The following PCDHGB3 variants were observed in gnomAD, a reference collection of about 807,000 sequenced individuals.
PCDHGB3 encodes the protein protocadherin gamma subfamily B, 3, also known as protocadherin gamma-B3.
A neutral mutation model predicts 59.2 loss-of-function variants in PCDHGB3; 40 were observed. The ratio of observed to expected loss-of-function variants is 0.68; its 90% CI spans 0.52 to 0.88. The LOEUF is 0.88. PCDHGB3 is among the 40% of genes least tolerant of loss of function. PCDHGB3 has a pLI of 0.00. For missense variants in PCDHGB3, 1,309 were observed against 1,187.9 expected (o/e 1.10, Z -1.50); for synonymous variants, 581 against 503.6 (o/e 1.15, Z -2.06).
intron 2 of PCDHGB3, among the ~76,000 whole-genome samples, chr5:141,500,281 T>A (rs1254933339): frequency 2.0e-5 from 3 of 151,934 alleles, no homozygotes; most frequent in Non-Finnish European, 4.4e-5. Context: ...CAATCTCGGC[T>A]CACTGCAAGC....
rs187873649 is a variant in PCDHGB3, at chr5:141,469,715, G to A, written c.2416-25092G>A. ...TATGACCTAGTAATCACACTATTAG[G>A]AATTTATCATAAATACACACCTCAA... On this transcript the variant is annotated intron_variant, in intron 1 of 3. Coordinates refer to ENST00000576222, the MANE Select transcript of PCDHGB3 (RefSeq NM_018924.5). Among the ~76,000 whole-genome samples, 552 of 152,160 alleles carry A rather than the reference G, an allele frequency of 3.6e-3. 1 individual carries two copies. Among genetic ancestry groups the A allele is most frequent in the Non-Finnish European group, 5.8e-3 (397 of 68,008 alleles).
intron 1 of PCDHGB3, chr5:141,410,156 C>T: frequency 6.2e-7 from 1 of 1,613,514 alleles, no homozygotes; most frequent in Non-Finnish European, 8.5e-7. Context: ...CGGTGGACAG[C>T]CGCCACTCTC....
intron 1 of PCDHGB3, among the ~76,000 whole-genome samples, chr5:141,494,498 C>G (rs2099754760): frequency 6.6e-6 from 1 of 152,138 alleles, no homozygotes; most frequent in African/African-American, 2.4e-5. Flanking sequence ...GCCTTCAGTC[C>G]TTGAATTTTG....
At chr5:141,419,972 C>T (rs534128024) in intron 1 of PCDHGB3, 3 of 1,613,948 alleles carry the variant, frequency 1.9e-6, no homozygotes, top group South Asian at 1.1e-5. Flanking sequence ...GCTCTTTCTC[C>T]TCGCGGTGAT....
chr5:141,373,266 C>T (rs894393733), intron 1 of PCDHGB3, among the ~76,000 whole-genome samples: 1 of 152,300 alleles, frequency 6.6e-6, no homozygotes, highest in Non-Finnish European at 1.5e-5. Context: ...TAAAAGTATA[C>T]ACAGATGTTG....
intron 1 of PCDHGB3, among the ~76,000 whole-genome samples, chr5:141,448,571 C>G (rs1207283773): frequency 6.6e-6 from 1 of 152,128 alleles, no homozygotes; most frequent in Non-Finnish European, 1.5e-5. Flanking sequence ...TTTTATTTCC[C>G]CATTTTTTTT....
At chr5:141,418,460 G>A in intron 1 of PCDHGB3, 1 of 1,613,992 alleles carries the variant, frequency 6.2e-7, no homozygotes, top group Non-Finnish European at 8.5e-7. Context: ...GAAGACTCTG[G>A]ACCGAGAAAC....
At chr5:141,389,367 G>A (rs1402654392) in intron 1 of PCDHGB3, 4 of 1,613,806 alleles carry the variant, frequency 2.5e-6, no homozygotes, top group South Asian at 1.1e-5. Context: ...CAGTGACCTG[G>A]AGCAGCGGGA....
intron 1 of PCDHGB3, chr5:141,418,849 G>T (rs1479117344): frequency 1.5e-5 from 25 of 1,613,886 alleles, no homozygotes; most frequent in Non-Finnish European, 1.8e-5. Context: ...TCTCAACACG[G>T]TGTAAAGTAA....
At chr5:141,456,860 G>A (rs1345260160) in intron 1 of PCDHGB3, among the ~76,000 whole-genome samples, 1 of 152,170 alleles carries the variant, frequency 6.6e-6, no homozygotes, top group African/African-American at 2.4e-5. Flanking sequence ...CTAATTGGGA[G>A]GCTGAGGCAG....
intron 1 of PCDHGB3, chr5:141,410,134 C>G (rs573769764): frequency 6.2e-7 from 1 of 1,612,766 alleles, no homozygotes; most frequent in Admixed American, 1.7e-5. Context: ...GCCTGCTGGT[C>G]GCTGTGCGTG....
chr5:141,489,477 G>C lies in PCDHGB3; in HGVS notation c.2416-5330G>C, dbSNP rs2154581232. 1.9e-6 allele frequency: 3 copies of C among 1,614,108 alleles called. No homozygotes were observed. Among genetic ancestry groups the C allele is most frequent in the Non-Finnish European group, 2.5e-6 (3 of 1,180,034 alleles). ...ATGGGCGCTATTTTTCCCTGAGCTT[G>C]ATGAGTGGTGCCCTGGCAGTGAATC... is the stretch of plus-strand genomic sequence containing the variant. On this transcript the variant is annotated intron_variant, in intron 1 of 3. Coordinates refer to ENST00000576222, the MANE Select transcript of PCDHGB3 (RefSeq NM_018924.5). This position sits in a 1 kb window ranked among gnomAD's most constrained non-coding sequence, Gnocchi z 4.5.
intron 1 of PCDHGB3, among the ~76,000 whole-genome samples, chr5:141,401,424 T>G (rs1408860840): frequency 6.6e-6 from 1 of 152,170 alleles, no homozygotes; most frequent in Non-Finnish European, 1.5e-5. Flanking sequence ...AGAGACTGAT[T>G]CACTGAACTT....
rs760209074 is a variant in PCDHGB3, at chr5:141,372,639, C to A, written c.2245C>A (p.Pro749Thr). 1 of 1,613,842 alleles carries A rather than the reference C, an allele frequency of 6.2e-7. No individual in the cohort carries two copies. Among genetic ancestry groups the A allele is most frequent in the Non-Finnish European group, 8.5e-7 (1 of 1,179,840 alleles). ...CCCCACCTACAGCGAAAGGACTTTGCCTTATTCCTACAATCCGTGTGCTGC... is the reference window on the plus strand; with the variant it reads ...CCCCACCTACAGCGAAAGGACTTTGACTTATTCCTACAATCCGTGTGCTGC... ...VLPTYSERTLPYSYNPCAASH... is the reference protein window; with the variant it reads ...VLPTYSERTLTYSYNPCAASH... The change falls in exon 1 of 4, where the codon CCT (proline) becomes ACT (threonine). Residue 749 changes from proline (P) to threonine (T), a missense_variant. Coordinates refer to ENST00000576222, the MANE Select transcript of PCDHGB3 (RefSeq NM_018924.5).
At chr5:141,448,850 C>A (rs1227646790) in intron 1 of PCDHGB3, among the ~76,000 whole-genome samples, 1 of 152,048 alleles carries the variant, frequency 6.6e-6, no homozygotes, top group Non-Finnish European at 1.5e-5. Context: ...GAGGCTGAGG[C>A]AGGAGAATGG....
chr5:141,493,021 G>C lies in PCDHGB3; in HGVS notation c.2416-1786G>C, dbSNP rs1261539371. On this transcript the variant is annotated intron_variant, in intron 1 of 3. Transcript: ENST00000576222. This position sits in a 1 kb window ranked among gnomAD's most constrained non-coding sequence, Gnocchi z 4.3. ...AGCTATAGGCTCTGCCAGATGCCAG[G>C]GTGCCCTTATGTGTGAGGAAACTAC... Among the ~76,000 whole-genome samples, 1 of 152,180 alleles carries C rather than the reference G, an allele frequency of 6.6e-6. No individual in the cohort carries two copies. The highest frequency in any genetic ancestry group is 6.5e-5 in the Admixed American group (1 of 15,284).
chr5:141,423,157 G>A (rs527921011), intron 1 of PCDHGB3: 1 of 1,610,820 alleles, frequency 6.2e-7, no homozygotes, highest in Non-Finnish European at 8.5e-7. Flanking sequence ...GCAGAGCCTC[G>A]TGGTGGCCGT....
chr5:141,433,199 A>G (rs2097574804), intron 1 of PCDHGB3: 1 of 1,579,570 alleles, frequency 6.3e-7, no homozygotes, highest in Non-Finnish European at 8.6e-7. Context: ...TTTATATCAA[A>G]TCTTCTTTCT....
At chr5:141,464,415 C>A (rs1185416197) in intron 1 of PCDHGB3, among the ~76,000 whole-genome samples, 2 of 150,854 alleles carry the variant, frequency 1.3e-5, no homozygotes, top group Admixed American at 6.6e-5. Context: ...ATATATATAT[C>A]TATATATATA....
Sources: allele counts gnomAD v4.1 joint callset (sites outside exome capture counted in the v4.1 genomes callset), GRCh38; gene constraint gnomAD v4.1.1; non-coding constraint Gnocchi (gnomAD v3.1); transcripts MANE v1.5; gene names NCBI Gene and HGNC (gene_info 2026-07-23, HGNC 2026-07-21).